The following CFAP299 variants were observed in gnomAD, a reference collection of about 807,000 sequenced individuals.
CFAP299 encodes cilia and flagella associated protein 299, also known as cilia- and flagella-associated protein 299.
CFAP299 carries 21 observed loss-of-function variants against 27.0 expected under a neutral mutation model. The observed-to-expected ratio is 0.78, with a 90% CI of 0.55 to 1.12. The LOEUF is 1.12. CFAP299 is among the 50% of genes most tolerant of loss of function. CFAP299 has a pLI of 0.00. For synonymous variants in CFAP299, 104 were observed against 98.1 expected, an observed-to-expected ratio of 1.06 and a Z score of -0.36; for missense variants, 310 against 276.6, an observed-to-expected ratio of 1.12 and a Z score of -0.86.
At chr4:80,769,698 C>G (rs966807662) in intron 3 of CFAP299, among the ~76,000 whole-genome samples, 1 of 152,114 alleles carries the variant, frequency 6.6e-6, no homozygotes, top group East Asian at 1.9e-4. Context: ...CCAGTCAATT[C>G]CCATGTATTA....
intron 3 of CFAP299, among the ~76,000 whole-genome samples, chr4:80,821,995 C>T (rs548358759): frequency 7.2e-5 from 11 of 152,186 alleles, no homozygotes; most frequent in African/African-American, 2.2e-4. Context: ...AAAAAAGAAC[C>T]GCTGACGATG....
intron 2 of CFAP299, among the ~76,000 whole-genome samples, chr4:80,550,623 T>G (rs1734457828): frequency 6.6e-6 from 1 of 152,232 alleles, no homozygotes; most frequent in African/African-American, 2.4e-5. Flanking sequence ...AGTTTGTCAC[T>G]GATTCTTCTT....
intron 4 of CFAP299, among the ~76,000 whole-genome samples, chr4:80,910,225 G>C (rs368254998): frequency 6.6e-6 from 1 of 152,140 alleles, no homozygotes; most frequent in African/African-American, 2.4e-5. Flanking sequence ...TTTATACACT[G>C]TTGGCAGGAG....
chr4:80,649,869 T>C (rs561064359), intron 3 of CFAP299, among the ~76,000 whole-genome samples: 2 of 152,246 alleles, frequency 1.3e-5, no homozygotes, highest in South Asian at 4.1e-4. Flanking sequence ...TTAAGTGAAA[T>C]GTCTTCTTTA....
intron 3 of CFAP299, among the ~76,000 whole-genome samples, chr4:80,638,345 C>T (rs981933045): frequency 2.0e-5 from 3 of 152,118 alleles, no homozygotes; most frequent in Admixed American, 2.0e-4. Flanking sequence ...GATTATGATG[C>T]ACTTTATCGA....
At chr4:80,386,948 C>T in intron 2 of CFAP299, 1 of 893,884 alleles carries the variant, frequency 1.1e-6, no homozygotes, top group South Asian at 1.3e-5. Context: ...GGTAATGCAC[C>T]CGCCGGGAGG....
At chr4:80,924,118 T>G (rs998832741) in intron 4 of CFAP299, among the ~76,000 whole-genome samples, 1 of 151,954 alleles carries the variant, frequency 6.6e-6, no homozygotes, top group Non-Finnish European at 1.5e-5. Context: ...TTTGAATGTT[T>G]GAAATGTTCC....
intron 4 of CFAP299, among the ~76,000 whole-genome samples, chr4:80,892,081 G>A (rs1222706528): frequency 6.6e-6 from 1 of 151,872 alleles, no homozygotes; most frequent in Non-Finnish European, 1.5e-5. Flanking sequence ...CAAAACTAAA[G>A]AAATCACATT....
intron 3 of CFAP299, among the ~76,000 whole-genome samples, chr4:80,768,148 G>A (rs192520423): frequency 3.9e-4 from 60 of 152,256 alleles, no homozygotes; most frequent in Non-Finnish European, 6.9e-4. Context: ...TCCCTTCAGG[G>A]AGGATGAATC....
chr4:80,780,944 G>T (rs1176679467), intron 3 of CFAP299, among the ~76,000 whole-genome samples: 1 of 151,724 alleles, frequency 6.6e-6, no homozygotes, highest in Non-Finnish European at 1.5e-5. Context: ...CTGATCCTTT[G>T]TGACAACCTT....
chr4:80,786,368 G>C (rs1358786372), intron 3 of CFAP299, among the ~76,000 whole-genome samples: 1 of 152,038 alleles, frequency 6.6e-6, no homozygotes, highest in Non-Finnish European at 1.5e-5. Context: ...AAATTAAAAA[G>C]TGAAGATTTA....
At chr4:80,388,228 G>A in intron 2 of CFAP299, 1 of 696,568 alleles carries the variant, frequency 1.4e-6, no homozygotes, top group East Asian at 2.7e-5. Flanking sequence ...TGTTCAGGCT[G>A]CTCTGCACAG....
intron 2 of CFAP299, among the ~76,000 whole-genome samples, chr4:80,390,700 T>C (rs941366497): frequency 2.7e-5 from 4 of 145,858 alleles, no homozygotes; most frequent in African/African-American, 1.0e-4. Context: ...TATGTGTATA[T>C]ATGTATATAT....
chr4:80,511,378 T>C (rs549063141), intron 2 of CFAP299, among the ~76,000 whole-genome samples: 1 of 152,260 alleles, frequency 6.6e-6, no homozygotes, highest in Non-Finnish European at 1.5e-5. Context: ...TTTAGTACAA[T>C]CCAGCTATAT....
chr4:80,776,467 A>C (rs1726547463), intron 3 of CFAP299, among the ~76,000 whole-genome samples: 1 of 152,148 alleles, frequency 6.6e-6, no homozygotes, highest in African/African-American at 2.4e-5. Context: ...TGTCTTAATC[A>C]GATTCTCAGA....
At chr4:80,851,581 G>A (rs1199022014) in intron 3 of CFAP299, among the ~76,000 whole-genome samples, 1 of 152,054 alleles carries the variant, frequency 6.6e-6, no homozygotes, top group African/African-American at 2.4e-5. Flanking sequence ...GGGTATTTGG[G>A]CAACCCTGAC....
chr4:80,554,497 T>C (rs1387549622), intron 2 of CFAP299, among the ~76,000 whole-genome samples: 2 of 150,078 alleles, frequency 1.3e-5, no homozygotes, highest in Non-Finnish European at 3.0e-5. Flanking sequence ...TATATACGTT[T>C]TCCACTAGTT....
At chr4:80,950,850 G>A (rs1737741670) in intron 5 of CFAP299, among the ~76,000 whole-genome samples, 1 of 152,286 alleles carries the variant, frequency 6.6e-6, no homozygotes, top group South Asian at 2.1e-4. Context: ...AGACAAAGGT[G>A]TAGGAAGGAG....
At position 80,591,128 on chromosome 4, in the gene CFAP299, T is replaced by A. The variant is rs576119744; in HGVS notation, c.333+7945T>A. Among the ~76,000 whole-genome samples the A allele has an allele frequency of 4.3e-3, 591 of 136,898 alleles. 2 individuals carry two copies. The highest frequency in any genetic ancestry group is 0.02 in the South Asian group (86 of 4,260). 89.8% of individuals were successfully genotyped at this position (136,898 alleles called of 152,430 possible). A position where few individuals can be genotyped will look rare whatever the true frequency, so the allele number is the denominator to read the frequency against. On this transcript the variant is annotated intron_variant, in intron 3 of 5. Transcript: ENST00000358105. ...AAATTTTTTTTTTTTTTTTTTTTTT[T>A]TTTATTTTTTTTTGAGACGGAGTCT...
Sources: gnomAD v4.1 joint callset for allele counts (sites outside exome capture counted in the v4.1 genomes callset) on GRCh38, gnomAD v4.1.1 for gene constraint, MANE v1.5 for transcripts, NCBI Gene and HGNC (gene_info 2026-07-23, HGNC 2026-07-21) for gene names.